Variants in TNK2 observed in about 807,000 individuals in gnomAD.
TNK2 encodes tyrosine kinase non receptor 2, also known as activated CDC42 kinase 1.
A neutral mutation model predicts 101.8 loss-of-function variants in TNK2; 83 were observed. That is an observed-to-expected ratio of 0.82 (90% CI 0.68 to 0.98). The LOEUF (loss-of-function observed/expected upper bound fraction) is 0.98, where lower values mean the gene tolerates loss of function less well. Among genes scored for constraint, TNK2 ranks in the 50% least tolerant of loss-of-function variants. The pLI is 0.00. For synonymous variants in TNK2, 804 were observed against 633.0 expected (o/e 1.27, Z -4.06); for missense variants, 1,665 against 1,483.2 (o/e 1.12, Z -2.01).
rs936728145 is a variant in TNK2 at position 195,895,559 on chromosome 3, T to A, written c.-18-6953A>T. On this transcript the variant is annotated intron_variant, in intron 1 of 15. Transcript: ENST00000672887. The stretch of plus-strand genomic sequence containing the variant: ...GCCCGTCCCAGCTCCGTTCCTCCTC[T>A]CCGGGGCGCGGCTCCCACCCTCTCC... 2.9e-5 allele frequency: 38 copies of A among 1,317,666 alleles called. No homozygotes were observed. The African/African-American group carries it at 5.1e-4, about 18-fold the overall frequency. The allele number at this position is 1,317,666 out of a possible 1,614,324, so 81.6% of individuals were successfully genotyped here. A position where few individuals can be genotyped will look rare whatever the true frequency, so the allele number is the denominator to read the frequency against.
rs1183589400 is a variant in TNK2, at chr3:195,868,344, C to CGTCATAGG, written c.1946_1953dup (p.Asp652ProfsTer82). 1.3e-6 allele frequency: 2 copies of CGTCATAGG among 1,599,410 alleles called. No individual in the cohort carries two copies. Among genetic ancestry groups the CGTCATAGG allele is most frequent in the Non-Finnish European group, 1.7e-6 (2 of 1,177,910 alleles). ...AAGTCATCCTCATCCTGGGCCACGT[C>CGTCATAGG]GTCATAGGCGGGCGGGGGGGGCAGC... On this transcript the variant is annotated frameshift_variant, in exon 13 of 16. Coordinates refer to ENST00000672887, the MANE Select transcript of TNK2 (RefSeq NM_001382273.1). LOFTEE classifies it high-confidence loss of function.
rs954765690 is a variant in TNK2 at position 195,878,926 on chromosome 3, G to A, written c.1014+123C>T. 7.5e-6 allele frequency: 11 copies of A among 1,466,508 alleles called. No homozygotes were observed. The highest frequency in any genetic ancestry group is 5.5e-5 in the Admixed American group (3 of 54,720). The allele number at this position is 1,466,508 out of a possible 1,614,324, so 90.8% of individuals were successfully genotyped here. ...GTGGTGGGAGGCACGGGAAGTGGGGGGAGGCACGGGGCGTGGGAGGAGGGA... is the reference window on the plus strand; with the variant it reads ...GTGGTGGGAGGCACGGGAAGTGGGGAGAGGCACGGGGCGTGGGAGGAGGGA... On this transcript the variant is annotated intron_variant, in intron 7 of 15. Coordinates refer to ENST00000672887, the MANE Select transcript of TNK2 (RefSeq NM_001382273.1). This position sits in a 1 kb window ranked among gnomAD's most constrained non-coding sequence, Gnocchi z 4.7.
intron 9 of TNK2, among the ~76,000 whole-genome samples, chr3:195,873,585 C>T (rs979132883): frequency 6.6e-6 from 1 of 152,126 alleles, no homozygotes; most frequent in Non-Finnish European, 1.5e-5. Flanking sequence ...ACGTGTGGCA[C>T]CACACTGCAC....
chr3:195,889,341 T>A (rs929635138), intron 1 of TNK2, among the ~76,000 whole-genome samples: 3 of 152,162 alleles, frequency 2.0e-5, no homozygotes, highest in Non-Finnish European at 4.4e-5. Context: ...TAAATCCCAA[T>A]TTACATGTGA....
chr3:195,885,024 C>T lies in TNK2; in HGVS notation c.244G>A (p.Gly82Arg), dbSNP rs1464508086. Residue 82 changes from glycine (G) to arginine (R), a missense_variant, in exon 4 of 16, where the codon GGA (glycine) becomes AGA (arginine). By Grantham distance (125) the Gly-to-Arg change is moderately radical. Around this residue, in one of 3 missense-constraint regions of TNK2, gnomAD observed 490 missense variants for 522.5 expected, o/e 0.94. Transcript: ENST00000672887. This position sits in a 1 kb window ranked among gnomAD's most constrained non-coding sequence, Gnocchi z 4.7. ...RKSWMSKVFS[G>R]KRLEAEFPPH... ...GGGAACTCAGCCTCCAGTCGCTTTC[C>T]ACTGAACACCTGTTTGAAGGCAGCC... The T allele has an allele frequency of 3.1e-6, 5 of 1,598,432 alleles. No individual in the cohort carries two copies. The highest frequency in any genetic ancestry group is 4.3e-6 in the Non-Finnish European group (5 of 1,170,374).
At chr3:195,879,389 C>G in intron 6 of TNK2, 1 of 559,080 alleles carries the variant, frequency 1.8e-6, no homozygotes, top group South Asian at 2.6e-5. Context: ...CTCTTATTCA[C>G]TTGCAGCCTG....
chr3:195,884,995 A>G lies in TNK2; in HGVS notation c.273T>C (p.Pro91=). 6.2e-7 allele frequency: 1 copy of G among 1,608,724 alleles called. No individual in the cohort carries two copies. The highest frequency in any genetic ancestry group is 8.5e-7 in the Non-Finnish European group (1 of 1,176,730). Residue 91 remains proline (P), a synonymous_variant, in exon 4 of 16, where the codon CCT becomes CCC. Coordinates refer to ENST00000672887, the MANE Select transcript of TNK2 (RefSeq NM_001382273.1). The part of the protein sequence containing the change: ...SGKRLEAEFP[P]HHSQSTFRKT... ...TCCGGAAGGTGCTCTGAGAGTGATG[A>G]GGTGGGAACTCAGCCTCCAGTCGCT...
At chr3:195,890,154 C>G (rs1757789643) in intron 1 of TNK2, among the ~76,000 whole-genome samples, 1 of 152,270 alleles carries the variant, frequency 6.6e-6, no homozygotes, top group South Asian at 2.1e-4. Context: ...CCGGGCCAGG[C>G]AGCTGGGCCA....
intron 2 of TNK2, among the ~76,000 whole-genome samples, chr3:195,887,943 C>T (rs998469701): frequency 1.8e-5 from 2 of 110,822 alleles, no homozygotes; most frequent in South Asian, 2.7e-4. Context: ...TGCGCATGTG[C>T]GTGTGTGCCT....
chr3:195,902,730 T>C (rs1761342215), intron 1 of TNK2, among the ~76,000 whole-genome samples: 1 of 149,820 alleles, frequency 6.7e-6, no homozygotes, highest in African/African-American at 2.5e-5. Context: ...ATGAAAAACC[T>C]ATAGCTAATA....
Position 195,870,144 on chromosome 3 carries a change from G to A in TNK2, c.1513C>T (p.Arg505Trp), listed in dbSNP as rs567934916. 5.5e-5 allele frequency: 82 copies of A among 1,481,988 alleles called. No individual in the cohort carries two copies. The Admixed American group carries it at 1.5e-3, about 27-fold the overall frequency. 91.8% of individuals were successfully genotyped at this position (1,481,988 alleles called of 1,614,324 possible). A position where few individuals can be genotyped will look rare whatever the true frequency, so the allele number is the denominator to read the frequency against. Residue 505 changes from arginine to tryptophan, a missense_variant, in exon 11 of 16, where the codon CGG becomes TGG. By Grantham distance (101) the Arg-to-Trp change is moderately radical. This residue lies in a region of TNK2 where 1,136 missense variants were observed against 894.9 expected (regional missense o/e 1.27). Coordinates refer to ENST00000672887, the MANE Select transcript of TNK2 (RefSeq NM_001382273.1). ...DLLSVELSTS[R>W]PPQHLGGVKR... ...ACCCCTCCTAGATGCTGGGGGGGCC[G>A]GGAGGTGCTCAGTTCCACGCTCAGG...
At chr3:195,870,543 C>T (rs1404321007) in intron 10 of TNK2, 6 of 551,792 alleles carry the variant, frequency 1.1e-5, no homozygotes, top group Admixed American at 3.6e-5. Flanking sequence ...GTCCCGCAGG[C>T]CACGATGGAG....
In TNK2 at chr3:195,867,663, C is replaced by T. The variant is rs143850445; in HGVS notation, c.2635G>A (p.Glu879Lys). The change falls in exon 13 of 16, where the codon GAG (glutamate) becomes AAG (lysine). Residue 879 changes from glutamate (E) to lysine (K), a missense_variant. By Grantham distance (56) the Glu-to-Lys change is moderately conservative. Coordinates refer to ENST00000672887, the MANE Select transcript of TNK2 (RefSeq NM_001382273.1). Reference protein sequence around the residue: ...VSSTHYYLLPERPSYLERYQR... With the variant: ...VSSTHYYLLPKRPSYLERYQR... Reference sequence around the variant, plus strand: ...TAGCGCTCCAGGTAGGATGGTCGCTCGGGCAGCAAGTAATAGTGGGTGCTG... The same window carrying T: ...TAGCGCTCCAGGTAGGATGGTCGCTTGGGCAGCAAGTAATAGTGGGTGCTG... 42 of 1,605,894 alleles carry T rather than the reference C, an allele frequency of 2.6e-5. No individual in the cohort carries two copies. The highest frequency in any genetic ancestry group is 1.6e-4 in the Middle Eastern group (1 of 6,074).
At chr3:195,890,455 T>G (rs1033906653) in intron 1 of TNK2, among the ~76,000 whole-genome samples, 6 of 40,402 alleles carry the variant, frequency 1.5e-4, no homozygotes, top group South Asian at 1.4e-3. Context: ...AGTTTTTTGG[T>G]TTTTTTTTTT....
At chr3:195,899,250 A>C (rs1286380544) in intron 1 of TNK2, among the ~76,000 whole-genome samples, 2 of 152,188 alleles carry the variant, frequency 1.3e-5, no homozygotes, top group African/African-American at 2.4e-5. Flanking sequence ...ACAAATGGTT[A>C]TCTCTGCTGT....
chr3:195,869,711 T>C, intron 11 of TNK2, 170 bp from the exon 12 acceptor site: 5 of 700,970 alleles, frequency 7.1e-6, no homozygotes, highest in South Asian at 1.7e-5. Context: ...GGCGGCAGGA[T>C]GAGGAACACG....
chr3:195,867,842 G>A lies in TNK2; in HGVS notation c.2456C>T (p.Pro819Leu). Residue 819 changes from proline to leucine, a missense_variant, in exon 13 of 16, where the codon CCA (proline) becomes CTA (leucine). By Grantham distance (98) the Pro-to-Leu change is moderately conservative. Transcript: ENST00000672887. ...CCCAGGTGAGCTTGAGAGCCGGGGT[G>A]GCAGCGGGGAGCTGCCAGGTGGTAC... is the stretch of plus-strand genomic sequence containing the variant. ...PLVPPGSSPL[P>L]PRLSSSPGKT... 1 of 1,535,964 alleles carries A rather than the reference G, an allele frequency of 6.5e-7. No homozygotes were observed. Among genetic ancestry groups the A allele is most frequent in the Non-Finnish European group, 8.7e-7 (1 of 1,145,960 alleles).
At chr3:195,896,764 C>T (rs1760592502) in intron 1 of TNK2, 3 of 152,626 alleles carry the variant, frequency 2.0e-5, no homozygotes, top group Admixed American at 6.5e-5. Flanking sequence ...CGAGAATCCA[C>T]CCCACGTGTA....
intron 1 of TNK2, among the ~76,000 whole-genome samples, chr3:195,907,905 G>T (rs1343486472): frequency 2.0e-5 from 3 of 152,136 alleles, no homozygotes; most frequent in Non-Finnish European, 4.4e-5. Flanking sequence ...CCCTCCTTCC[G>T]CCCACTAATC....
Sources: gnomAD v4.1 joint callset for allele counts (sites outside exome capture counted in the v4.1 genomes callset) on GRCh38, gnomAD v4.1.1 for gene constraint, gnomAD v4.1.1 regional missense constraint, Gnocchi (gnomAD v3.1) non-coding constraint, MANE v1.5 for transcripts, NCBI Gene and HGNC (gene_info 2026-07-23, HGNC 2026-07-21) for gene names.